Variants in SPON1 observed in about 807,000 individuals in gnomAD.
SPON1 encodes spondin 1, also known as spondin-1.
A neutral mutation model predicts 111.7 loss-of-function variants in SPON1; 52 were observed. The ratio of observed to expected loss-of-function variants is 0.47; its 90% CI spans 0.37 to 0.59. The LOEUF (loss-of-function observed/expected upper bound fraction) is 0.59, where lower values mean the gene tolerates loss of function less well. Ranked by LOEUF, SPON1 falls within the 20% of genes least tolerant of loss-of-function variation. The probability of loss-of-function intolerance (pLI) is 0.00; values close to 1 mark genes in which losing one functional copy is unlikely to be tolerated. For synonymous variants in SPON1, 410 were observed against 395.8 expected (o/e 1.04, Z -0.43); for missense variants, 957 against 1,068.5 (o/e 0.90, Z 1.46).
chr11:14,074,382 C>A (rs1466784913), intron 3 of SPON1, among the ~76,000 whole-genome samples: 3 of 152,186 alleles, frequency 2.0e-5, no homozygotes, highest in Admixed American at 6.5e-5. Context: ...TGGCCCCATT[C>A]CTGGGTCTGG....
chr11:14,204,828 G>A (rs1466604491), intron 6 of SPON1, among the ~76,000 whole-genome samples: 1 of 152,066 alleles, frequency 6.6e-6, no homozygotes, highest in Non-Finnish European at 1.5e-5. Flanking sequence ...GGGATTACAG[G>A]TGCCCGCCAC....
intron 5 of SPON1, among the ~76,000 whole-genome samples, chr11:14,114,371 A>G (rs1352845648): frequency 6.6e-6 from 1 of 152,206 alleles, no homozygotes; most frequent in Non-Finnish European, 1.5e-5. Context: ...GGACTTTCCC[A>G]AGGTCACAGA....
At chr11:13,987,785 CCAA>C (rs1848196973) in intron 2 of SPON1, among the ~76,000 whole-genome samples, 1 of 152,098 alleles carries the variant, frequency 6.6e-6, no homozygotes, top group Non-Finnish European at 1.5e-5. Context: ...GCCATTTTTC[CCAA>C]CAACATTTAT....
intron 6 of SPON1, among the ~76,000 whole-genome samples, chr11:14,242,834 C>T (rs543552298): frequency 7.2e-5 from 11 of 152,340 alleles, no homozygotes; most frequent in African/African-American, 2.4e-4. Context: ...TGCTGGCCTC[C>T]TCGTCCAAGG....
intron 1 of SPON1, 33 bp from the exon 2 acceptor site, chr11:13,982,814 A>G (rs541282462): frequency 5.0e-6 from 7 of 1,407,638 alleles, no homozygotes; most frequent in South Asian, 1.2e-5. Flanking sequence ...ATTGATTCTT[A>G]TACTTAAAAC....
intron 1 of SPON1, among the ~76,000 whole-genome samples, chr11:13,976,861 C>T (rs1554909094): frequency 6.6e-6 from 1 of 152,196 alleles, no homozygotes; most frequent in East Asian, 1.9e-4. Context: ...CCCTCCCTTT[C>T]CTGTACATGT....
chr11:14,083,494 A>G (rs550015717), intron 5 of SPON1, among the ~76,000 whole-genome samples: 3 of 152,344 alleles, frequency 2.0e-5, no homozygotes, highest in African/African-American at 4.8e-5. Context: ...AACTATATCA[A>G]TGAACTTGTA....
chr11:14,001,630 A>G (rs1401682026), intron 2 of SPON1, among the ~76,000 whole-genome samples: 1 of 152,214 alleles, frequency 6.6e-6, no homozygotes, highest in Admixed American at 6.5e-5. Context: ...CCCTTTCCCA[A>G]TATGTTACCA....
intron 6 of SPON1, among the ~76,000 whole-genome samples, chr11:14,161,335 A>G (rs373589797): frequency 8.7e-6 from 1 of 114,596 alleles, no homozygotes; most frequent in Non-Finnish European, 1.9e-5. Context: ...TTATATATAT[A>G]TAAGATGGAG....
intron 1 of SPON1, among the ~76,000 whole-genome samples, chr11:13,966,731 G>A (rs958376705): frequency 5.9e-5 from 9 of 152,174 alleles, no homozygotes; most frequent in South Asian, 2.1e-4. Flanking sequence ...GGTGGAAAGC[G>A]CACAGGCTTT....
In SPON1 at chr11:14,262,962, G is replaced by A. The variant is rs183562241; in HGVS notation, c.2247G>A (p.Gly749=). The A allele has an allele frequency of 7.4e-5, 120 of 1,613,300 alleles. 2 individuals carry two copies. Among genetic ancestry groups the A allele is most frequent in the Middle Eastern group, 6.6e-4 (4 of 6,028 alleles). ...AGCAGCTGAAGGAAGAGTCTGAAGG[G>A]GAGCAGTTCCCAGGTATGGCTCCCA... ...RSEQLKEESE[G]EQFPGCRMRP... The change falls in exon 15 of 16, where the codon GGG becomes GGA. Residue 749 remains glycine (G), a synonymous_variant. Transcript: ENST00000576479.
Position 14,187,251 on chromosome 11 carries a change from G to A in SPON1, c.825+51683G>A, listed in dbSNP as rs1848294999. Among the ~76,000 whole-genome samples the A allele has an allele frequency of 2.6e-5, 4 of 152,164 alleles. No homozygotes were observed. The South Asian group carries it at 8.3e-4, about 32-fold the overall frequency. On this transcript the variant is annotated intron_variant, in intron 6 of 15. Coordinates refer to ENST00000576479, the MANE Select transcript of SPON1 (RefSeq NM_006108.4). Reference sequence around the variant, plus strand: ...CCATTTATGAGGGATCCACCTGCATGACCCAAACACCTCCCACCAGACCCA... The same window carrying A: ...CCATTTATGAGGGATCCACCTGCATAACCCAAACACCTCCCACCAGACCCA...
intron 2 of SPON1, among the ~76,000 whole-genome samples, chr11:14,028,644 G>T (rs963252744): frequency 3.9e-5 from 6 of 152,216 alleles, no homozygotes; most frequent in African/African-American, 1.4e-4. Context: ...TGCCACCAGG[G>T]CCCATTCTCT....
chr11:14,248,845 C>T (rs1218351111), intron 7 of SPON1, among the ~76,000 whole-genome samples: 1 of 152,128 alleles, frequency 6.6e-6, no homozygotes, highest in Non-Finnish European at 1.5e-5. Flanking sequence ...AAAGGACAGC[C>T]ATGAATGAGC....
chr11:14,225,082 A>G (rs1256134607), intron 6 of SPON1, among the ~76,000 whole-genome samples: 1 of 152,144 alleles, frequency 6.6e-6, no homozygotes, highest in Non-Finnish European at 1.5e-5. Context: ...GAATTTTCCT[A>G]AGCCAGGTCT....
At chr11:13,988,753 A>G (rs1848204911) in intron 2 of SPON1, among the ~76,000 whole-genome samples, 1 of 152,170 alleles carries the variant, frequency 6.6e-6, no homozygotes, top group Non-Finnish European at 1.5e-5. Flanking sequence ...AGTTTTTAGC[A>G]TGAAGGGGTG....
At chr11:14,166,034 A>G (rs1848025810) in intron 6 of SPON1, among the ~76,000 whole-genome samples, 1 of 152,162 alleles carries the variant, frequency 6.6e-6, no homozygotes, top group Non-Finnish European at 1.5e-5. Flanking sequence ...GCCTGTTAGA[A>G]AGTGGCATTC....
intron 5 of SPON1, among the ~76,000 whole-genome samples, chr11:14,113,626 G>A (rs1361387083): frequency 1.1e-5 from 1 of 90,100 alleles, no homozygotes; most frequent in Non-Finnish European, 2.2e-5. Context: ...TTTTTGAGAC[G>A]GAGTCTCGCT....
chr11:14,041,990 C>T (rs2618519), intron 3 of SPON1, among the ~76,000 whole-genome samples: 19,676 of 151,986 alleles, frequency 0.13, 4,223 homozygotes, highest in African/African-American at 0.45. Context: ...TTTCTTTTCT[C>T]GGAACATACA....
Sources: gnomAD v4.1 joint callset for allele counts (sites outside exome capture counted in the v4.1 genomes callset) on GRCh38, gnomAD v4.1.1 for gene constraint, MANE v1.5 for transcripts, NCBI Gene and HGNC (gene_info 2026-07-23, HGNC 2026-07-21) for gene names.